Variants in PTPRD observed in about 807,000 individuals in gnomAD.
PTPRD encodes protein tyrosine phosphatase receptor type D.
PTPRD carries 34 observed loss-of-function variants against 214.5 expected under a neutral mutation model. That is an observed-to-expected ratio of 0.16 (90% CI 0.12 to 0.21). The LOEUF (loss-of-function observed/expected upper bound fraction) is 0.21, where lower values mean the gene tolerates loss of function less well. Ranked by LOEUF, PTPRD falls within the 10% of genes least tolerant of loss-of-function variation. The pLI is 1.00. For synonymous variants in PTPRD, 1,128 were observed against 845.7 expected, an observed-to-expected ratio of 1.33 and a Z score of -5.79; for missense variants, 2,545 against 2,398.7, an observed-to-expected ratio of 1.06 and a Z score of -1.27.
intron 3 of PTPRD, among the ~76,000 whole-genome samples, chr9:10,316,932 T>C (rs1021242968): frequency 4.6e-5 from 7 of 151,856 alleles, no homozygotes; most frequent in African/African-American, 1.4e-4. Flanking sequence ...TCCCAATTGC[T>C]TTTTAAGGAG....
At chr9:9,174,746 T>C (rs1237528791) in intron 10 of PTPRD, among the ~76,000 whole-genome samples, 1 of 152,124 alleles carries the variant, frequency 6.6e-6, no homozygotes, top group Admixed American at 6.6e-5. Context: ...AAATTTAGGA[T>C]CAGATTTAGA....
chr9:8,324,307 GT>G (rs553100131), intron 44 of PTPRD, among the ~76,000 whole-genome samples: 336 of 152,146 alleles, frequency 2.2e-3, no homozygotes, highest in African/African-American at 7.4e-3. Flanking sequence ...GCGTCCACGT[GT>G]TCTCACTATT....
At chr9:9,340,486 T>G (rs966444858) in intron 9 of PTPRD, among the ~76,000 whole-genome samples, 1 of 152,236 alleles carries the variant, frequency 6.6e-6, no homozygotes, top group African/African-American at 2.4e-5. Flanking sequence ...CACCGAATGC[T>G]ACAAGTAGTA....
intron 6 of PTPRD, among the ~76,000 whole-genome samples, chr9:9,759,823 C>T (rs1397759331): frequency 6.6e-6 from 1 of 152,078 alleles, no homozygotes; most frequent in Non-Finnish European, 1.5e-5. Context: ...TCCCAAAGTG[C>T]TGAGATTACA....
intron 8 of PTPRD, among the ~76,000 whole-genome samples, chr9:9,567,472 T>C (rs2084938909): frequency 6.6e-6 from 1 of 152,044 alleles, no homozygotes; most frequent in South Asian, 2.1e-4. Flanking sequence ...GATGTGGATG[T>C]AAACAATAAC....
chr9:9,443,970 C>T (rs1287552380), intron 8 of PTPRD, among the ~76,000 whole-genome samples: 3 of 152,110 alleles, frequency 2.0e-5, no homozygotes, highest in Non-Finnish European at 4.4e-5. Context: ...TACATAATGA[C>T]AATTTTTCTA....
At chr9:10,112,337 T>A (rs192682687) in intron 3 of PTPRD, among the ~76,000 whole-genome samples, 120 of 152,320 alleles carry the variant, frequency 7.9e-4, no homozygotes, top group Non-Finnish European at 1.3e-3. Context: ...GGCTCATTAG[T>A]GACAGATACT....
chr9:9,449,209 A>G (rs1175446122), intron 8 of PTPRD, among the ~76,000 whole-genome samples: 1 of 152,066 alleles, frequency 6.6e-6, no homozygotes, highest in Non-Finnish European at 1.5e-5. Context: ...AACCACAGGG[A>G]GAAAAATAAC....
chr9:8,723,345 T>C (rs548291475), intron 12 of PTPRD, among the ~76,000 whole-genome samples: 1 of 152,240 alleles, frequency 6.6e-6, no homozygotes, highest in South Asian at 2.1e-4. Context: ...CCAAGACCTA[T>C]CCTCTCCCTT....
intron 7 of PTPRD, among the ~76,000 whole-genome samples, chr9:9,636,110 C>A (rs2095757614): frequency 6.6e-6 from 1 of 152,266 alleles, no homozygotes; most frequent in African/African-American, 2.4e-5. Context: ...CAATTTTCTC[C>A]AGCTTACAGG....
At chr9:9,415,241 G>A (rs768078135) in intron 8 of PTPRD, among the ~76,000 whole-genome samples, 2 of 152,074 alleles carry the variant, frequency 1.3e-5, no homozygotes, top group Admixed American at 6.5e-5. Flanking sequence ...TTTGGGAGAC[G>A]AAGGCGGGCA....
At chr9:10,169,930 T>C (rs1428428348) in intron 3 of PTPRD, among the ~76,000 whole-genome samples, 2 of 152,210 alleles carry the variant, frequency 1.3e-5, no homozygotes, top group Non-Finnish European at 2.9e-5. Context: ...AAAGCAGCTA[T>C]AATAAATATA....
At chr9:8,933,090 A>C (rs1417680607) in intron 11 of PTPRD, among the ~76,000 whole-genome samples, 1 of 152,074 alleles carries the variant, frequency 6.6e-6, no homozygotes, top group Non-Finnish European at 1.5e-5. Flanking sequence ...CTCATGGCAC[A>C]GTCCTTCATG....
At chr9:10,216,450 G>C (rs1198139228) in intron 3 of PTPRD, among the ~76,000 whole-genome samples, 25 of 151,852 alleles carry the variant, frequency 1.6e-4, no homozygotes, top group Admixed American at 1.6e-3. Flanking sequence ...AAACTAAAAT[G>C]AATTTAAAAG....
intron 11 of PTPRD, among the ~76,000 whole-genome samples, chr9:8,947,066 C>T (rs577396020): frequency 7.4e-4 from 107 of 144,290 alleles, no homozygotes; most frequent in Middle Eastern, 7.2e-3. Flanking sequence ...GATCTTCCTC[C>T]GGTTTTATTT....
intron 10 of PTPRD, among the ~76,000 whole-genome samples, chr9:9,050,710 C>A (rs2099683388): frequency 6.6e-6 from 1 of 152,134 alleles, no homozygotes; most frequent in African/African-American, 2.4e-5. Context: ...TAGTAGCTGT[C>A]TAGGTTATTA....
chr9:9,402,107 G>A (rs1441235868), intron 8 of PTPRD, among the ~76,000 whole-genome samples: 2 of 152,018 alleles, frequency 1.3e-5, no homozygotes, highest in East Asian at 3.9e-4. Flanking sequence ...CCAAAAAGTT[G>A]TGTCAGATAT....
intron 10 of PTPRD, among the ~76,000 whole-genome samples, chr9:9,104,641 G>A (rs937895620): frequency 6.6e-6 from 1 of 152,186 alleles, no homozygotes; most frequent in Non-Finnish European, 1.5e-5. Flanking sequence ...TGAAACAGGA[G>A]CTTAAAGATA....
At chr9:8,829,809 C>A (rs941610432) in intron 11 of PTPRD, among the ~76,000 whole-genome samples, 1 of 152,314 alleles carries the variant, frequency 6.6e-6, no homozygotes, top group Admixed American at 6.5e-5. Context: ...TTCAGCAGGT[C>A]ATTTACCCTT....
Sources: gnomAD v4.1 joint callset for allele counts (sites outside exome capture counted in the v4.1 genomes callset) on GRCh38, gnomAD v4.1.1 for gene constraint, MANE v1.5 for transcripts, NCBI Gene and HGNC (gene_info 2026-07-23, HGNC 2026-07-21) for gene names.